CDK16: variants seen among roughly 807,000 people sequenced by gnomAD.
CDK16 encodes cyclin-dependent kinase 16.
A neutral mutation model predicts 41.6 loss-of-function variants in CDK16; 2 were observed. The observed-to-expected ratio is 0.05, with a 90% CI of 0.02 to 0.15. The LOEUF (loss-of-function observed/expected upper bound fraction) is 0.15, where lower values mean the gene tolerates loss of function less well. CDK16 is among the 10% of genes least tolerant of loss of function. CDK16 has a pLI of 1.00. For missense variants in CDK16, 228 were observed against 428.9 expected, an observed-to-expected ratio of 0.53 and a Z score of 4.14; for synonymous variants, 169 against 169.7, an observed-to-expected ratio of 1.00 and a Z score of 0.03.
At chrX:47,220,306 G>A (rs1460617507) in intron 1 of CDK16, among the ~76,000 whole-genome samples, 4 of 107,591 alleles carry the variant, frequency 3.7e-5, no homozygotes, top group African/African-American at 1.0e-4. Context: ...GTAGGGCTGC[G>A]GAGGGGATCT....
intron 2 of CDK16, 29 bp from the exon 3 acceptor site, chrX:47,224,356 G>A (rs1413649829): frequency 8.6e-7 from 1 of 1,162,243 alleles, no homozygotes; most frequent in Non-Finnish European, 1.1e-6. Context: ...ACCCCACCTG[G>A]CCTGCCCTAC....
rs1279525079 is a variant in CDK16, at chrX:47,227,283, C to T, written c.1284+60C>T. 6.0e-6 allele frequency: 5 copies of T among 836,846 alleles called. No homozygotes were observed. The African/African-American group carries it at 1.3e-4, about 21-fold the overall frequency. 69.0% of individuals were successfully genotyped at this position (836,846 alleles called of 1,213,427 possible). On this transcript the variant is annotated intron_variant, in intron 13 of 15. Coordinates refer to ENST00000357227, the MANE Select transcript of CDK16 (RefSeq NM_006201.5). ...GATTCCAAGTGTGGGGAAACAGGGACCCCCCCCCTCAAACCAGGGGCAGGG... is the reference window on the plus strand; with the variant it reads ...GATTCCAAGTGTGGGGAAACAGGGATCCCCCCCCTCAAACCAGGGGCAGGG...
chrX:47,226,543 A>G (rs2147334376), intron 9 of CDK16, 40 bp from the exon 10 acceptor site: 3 of 1,203,905 alleles, frequency 2.5e-6, no homozygotes, highest in East Asian at 5.9e-5. Context: ...GACTTTGCCC[A>G]TGACTCCCTC....
Position 47,228,778 on chromosome X carries a change from C to T in CDK16, c.*10C>T, listed in dbSNP as rs770113744. 13 of 1,208,556 alleles carry T rather than the reference C, an allele frequency of 1.1e-5. No individual in the cohort carries two copies. Among genetic ancestry groups the T allele is most frequent in the Non-Finnish European group, 1.3e-5 (12 of 893,423 alleles). On this transcript the variant is annotated 3_prime_UTR_variant, in exon 16 of 16. Transcript: ENST00000357227. ...GGACACCGAGTTCTAAGCCACAGAC[C>T]GAGGCCCCAGCAGGCAGCGGCTGGA...
chrX:47,227,367 A>AC lies in CDK16; in HGVS notation c.1285-7dup. Reference sequence around the variant, plus strand: ...ATATCAATACTATCCCCCTCCCCGCACCCCCACTCAGTTTGAGGGTCGAAA... The same window carrying AC: ...ATATCAATACTATCCCCCTCCCCGCACCCCCCACTCAGTTTGAGGGTCGAAA... On this transcript the variant is annotated splice_polypyrimidine_tract_variant and intron_variant, in intron 13 of 15. Transcript: ENST00000357227. 8.4e-7 allele frequency: 1 copy of AC among 1,192,901 alleles called. No individual in the cohort carries two copies. The highest frequency in any genetic ancestry group is 1.1e-6 in the Non-Finnish European group (1 of 880,673).
chrX:47,224,882 C>T lies in CDK16; in HGVS notation c.511C>T (p.Leu171=), dbSNP rs1341542836. Residue 171 remains leucine (L), a synonymous_variant, in exon 5 of 16, where the codon CTG becomes TTG. Transcript: ENST00000357227. ...GGAGACCTACATTAAGCTGGACAAA[C>T]TGGGCGAGGTGAGAGGCAAATAGGA... ...KLETYIKLDK[L]GEGTYATVYK... 5.0e-6 allele frequency: 6 copies of T among 1,209,387 alleles called. No individual in the cohort carries two copies. The African/African-American group carries it at 1.1e-4, about 21-fold the overall frequency.
chrX:47,223,319 A>G (rs1937426941), intron 1 of CDK16: 2 of 1,152,310 alleles, frequency 1.7e-6, no homozygotes, highest in East Asian at 6.5e-5. Flanking sequence ...CAGGTGGGCT[A>G]CGTAGGAGCA....
Position 47,224,396 on chromosome X carries a change from G to A in CDK16, c.214G>A (p.Glu72Lys), listed in dbSNP as rs1569226284. 3 of 1,190,909 alleles carry A rather than the reference G, an allele frequency of 2.5e-6. No individual in the cohort carries two copies. The highest frequency in any genetic ancestry group is 3.4e-6 in the Non-Finnish European group (3 of 884,832). ...CTCCCTGCCACCAGAGATTGTGCAC[G>A]AGGACTTGAAGATGGGGTCTGATGG... is the stretch of plus-strand genomic sequence containing the variant. Reference protein sequence around the residue: ...PLSSAPEIVHEDLKMGSDGES... With the variant: ...PLSSAPEIVHKDLKMGSDGES... The change falls in exon 3 of 16, where the codon GAG becomes AAG. Residue 72 changes from glutamate to lysine, a missense_variant. By Grantham distance (56) the Glu-to-Lys change is moderately conservative. Transcript: ENST00000357227.
At chrX:47,222,284 A>G (rs1937364474) in intron 1 of CDK16, 1 of 111,587 alleles carries the variant, frequency 9.0e-6, no homozygotes, top group Non-Finnish European at 1.9e-5. Flanking sequence ...TCCTCAGGAT[A>G]TAGCCGTGAC....
chrX:47,221,404 C>T (rs988815216), intron 1 of CDK16, among the ~76,000 whole-genome samples: 4 of 111,968 alleles, frequency 3.6e-5, no homozygotes, highest in African/African-American at 1.3e-4. Flanking sequence ...TCTGAGACCC[C>T]CATCCCCCTT....
Position 47,226,839 on chromosome X carries a change from G to A in CDK16, c.1065G>A (p.Met355Ile). The A allele has an allele frequency of 2.5e-6, 3 of 1,209,076 alleles. No individual in the cohort carries two copies. The highest frequency in any genetic ancestry group is 3.4e-6 in the Non-Finnish European group (3 of 893,938). Residue 355 changes from methionine (M) to isoleucine (I), a missense_variant, in exon 11 of 16, where the codon ATG becomes ATA. By Grantham distance (10) the Met-to-Ile change is conservative. Transcript: ENST00000357227. ...MWGVGCIFYE[M>I]ATGRPLFPGS... ...GTGTGGGCTGCATCTTCTATGAGAT[G>A]GCCACAGGCCGTCCCCTCTTTCCGG...
Position 47,227,377 on chromosome X carries a change from A to G in CDK16, c.1285-2A>G. 8.3e-7 allele frequency: 1 copy of G among 1,203,820 alleles called. No individual in the cohort carries two copies. The highest frequency in any genetic ancestry group is 1.1e-6 in the Non-Finnish European group (1 of 889,245). ...TATCCCCCTCCCCGCACCCCCACTC[A>G]GTTTGAGGGTCGAAATCGGATCTCC... On this transcript the variant is annotated splice_acceptor_variant, in intron 13 of 15. Coordinates refer to ENST00000357227, the MANE Select transcript of CDK16 (RefSeq NM_006201.5). LOFTEE classifies it high-confidence loss of function.
chrX:47,219,039 C>T lies in CDK16; in HGVS notation c.-73C>T. 1 of 828,516 alleles carries T rather than the reference C, an allele frequency of 1.2e-6. No individual in the cohort carries two copies. Among genetic ancestry groups the T allele is most frequent in the African/African-American group, 2.2e-5 (1 of 44,755 alleles). The allele number at this position is 828,516 out of a possible 1,213,427, so 68.3% of individuals were successfully genotyped here. On this transcript the variant is annotated 5_prime_UTR_variant, in exon 1 of 16. Transcript: ENST00000357227. The stretch of plus-strand genomic sequence containing the variant: ...AGAAGGAGGTCGCGCGGCCTCATCC[C>T]GGGCCGCCGCCCCAGGCGCCGCCGC...
In CDK16 at chrX:47,223,735, C is replaced by T. The variant is rs200177369; in HGVS notation, c.178C>T (p.Arg60Trp). ...TGCTCCTGGGGAACTTCGTTCTGCA[C>T]GGGGCCCACTCAGCTCTGCACCAGG... ...RAAPGELRSA[R>W]GPLSSAPEIV... Residue 60 changes from arginine to tryptophan, a missense_variant, in exon 2 of 16, where the codon CGG (arginine) becomes TGG (tryptophan). By Grantham distance (101) the Arg-to-Trp change is moderately radical. Coordinates refer to ENST00000357227, the MANE Select transcript of CDK16 (RefSeq NM_006201.5). The T allele has an allele frequency of 8.3e-5, 100 of 1,206,045 alleles. No homozygotes were observed. In the Middle Eastern group the frequency reaches 3.0e-3, roughly 37 times the overall value.
intron 1 of CDK16, among the ~76,000 whole-genome samples, chrX:47,220,240 C>G (rs1174385541): frequency 1.9e-5 from 2 of 107,283 alleles, no homozygotes; most frequent in Non-Finnish European, 3.8e-5. Flanking sequence ...AAGATTGTGC[C>G]CTTGTGTCCG....
chrX:47,220,208 T>A (rs1390904113), intron 1 of CDK16, among the ~76,000 whole-genome samples: 1 of 108,877 alleles, frequency 9.2e-6, no homozygotes, highest in Admixed American at 9.8e-5. Flanking sequence ...TGGAATATGC[T>A]AATAAGCATC....
Position 47,218,745 on chromosome X carries a change from C to T in CDK16, c.-367C>T, listed in dbSNP as rs879965229. 1.3e-5 allele frequency: 15 copies of T among 1,158,593 alleles called. No individual in the cohort carries two copies. Among genetic ancestry groups the T allele is most frequent in the Middle Eastern group, 2.3e-4 (1 of 4,276 alleles). ...AGCGCGGCGCGCGCGGCGGTTGGGC[C>T]GTTGGCTGTTCGGCCCTGGGATCCG... On this transcript the variant is annotated 5_prime_UTR_variant, in exon 1 of 16. Transcript: ENST00000357227.
Position 47,229,482 on chromosome X carries a change from C to A in CDK16, c.*714C>A. 3.5e-6 allele frequency: 1 copy of A among 288,834 alleles called. No individual in the cohort carries two copies. The highest frequency in any genetic ancestry group is 6.7e-6 in the Non-Finnish European group (1 of 149,526). 23.8% of individuals were successfully genotyped at this position (288,834 alleles called of 1,213,427 possible). A position where few individuals can be genotyped will look rare whatever the true frequency, so the allele number is the denominator to read the frequency against. On this transcript the variant is annotated 3_prime_UTR_variant, in exon 16 of 16. Transcript: ENST00000357227. ...GGATTGGCTATGGGAAAGCATGCCA[C>A]AGCCACTCGCCTTCCTACCCCCGCC...
intron 9 of CDK16, 70 bp from the exon 10 acceptor site, chrX:47,226,513 C>T (rs1423000370): frequency 1.7e-6 from 2 of 1,192,302 alleles, no homozygotes; most frequent in Non-Finnish European, 2.3e-6. Context: ...CACCCTCAGT[C>T]TCAACTGCAC....
Sources: gnomAD v4.1 joint callset for allele counts (sites outside exome capture counted in the v4.1 genomes callset) on GRCh38, gnomAD v4.1.1 for gene constraint, MANE v1.5 for transcripts, NCBI Gene and HGNC (gene_info 2026-07-23, HGNC 2026-07-21) for gene names.